Variants in TUT4 observed in about 807,000 individuals in gnomAD.
The protein encoded by TUT4 is terminal uridylyltransferase 4.
A neutral mutation model predicts 192.2 loss-of-function variants in TUT4; 36 were observed. The ratio of observed to expected loss-of-function variants is 0.19; its 90% CI spans 0.14 to 0.25. The LOEUF (loss-of-function observed/expected upper bound fraction) is 0.25. Among genes scored for constraint, TUT4 ranks in the 10% least tolerant of loss-of-function variants. TUT4 has a pLI of 1.00. For missense variants in TUT4, 1,493 were observed against 1,957.2 expected (o/e 0.76, Z 4.47); for synonymous variants, 618 against 666.0 (o/e 0.93, Z 1.11).
chr1:52,530,267 A>G lies in TUT4; in HGVS notation c.-93-3894T>C, dbSNP rs938082846. Among the ~76,000 whole-genome samples, 20 of 152,060 alleles carry G rather than the reference A, an allele frequency of 1.3e-4. No homozygotes were observed. In the East Asian group the frequency reaches 1.5e-3, roughly 12 times the overall value. ...GAGTGAGACTCCATCTCAAAAAAAA[A>G]AAAAAAAAAAAATTGCTAATAGGAA... On this transcript the variant is annotated intron_variant, in intron 1 of 29. Coordinates refer to ENST00000257177, the MANE Select transcript of TUT4 (RefSeq NM_001009881.3).
chr1:52,474,581 G>C (rs531301557), intron 13 of TUT4, among the ~76,000 whole-genome samples: 2 of 152,216 alleles, frequency 1.3e-5, no homozygotes, highest in Admixed American at 6.5e-5. Context: ...TGAAATATCA[G>C]ATGAATCCTT....
chr1:52,474,380 T>C (rs1666570736), intron 13 of TUT4, among the ~76,000 whole-genome samples: 1 of 152,196 alleles, frequency 6.6e-6, no homozygotes, highest in South Asian at 2.1e-4. Flanking sequence ...CAACTACCTT[T>C]AGTATGCTTA....
intron 13 of TUT4, among the ~76,000 whole-genome samples, chr1:52,474,128 A>G (rs1185633464): frequency 2.0e-5 from 3 of 152,222 alleles, no homozygotes; most frequent in Admixed American, 1.3e-4. Flanking sequence ...GAATGGCTTG[A>G]GCCCGGGAGG....
intron 4 of TUT4, among the ~76,000 whole-genome samples, chr1:52,505,710 C>A (rs1426028471): frequency 6.6e-6 from 1 of 151,950 alleles, no homozygotes; most frequent in Non-Finnish European, 1.5e-5. Flanking sequence ...GCATGATCCA[C>A]CGCACCTGGC....
intron 9 of TUT4, among the ~76,000 whole-genome samples, chr1:52,482,737 A>T (rs2148982912): frequency 6.6e-6 from 1 of 152,292 alleles, no homozygotes; most frequent in East Asian, 1.9e-4. Flanking sequence ...TGCCCAGCCA[A>T]CACATTCTTT....
At chr1:52,459,000 ATGG>A (rs763535167) in intron 19 of TUT4, among the ~76,000 whole-genome samples, 11 of 152,192 alleles carry the variant, frequency 7.2e-5, no homozygotes, top group Admixed American at 1.3e-4. Flanking sequence ...ACATAATGGA[ATGG>A]TATGCAACCA....
intron 18 of TUT4, 99 bp from the exon 19 acceptor site, chr1:52,461,322 A>C (rs1481747608): frequency 2.5e-6 from 3 of 1,196,518 alleles, no homozygotes; most frequent in Non-Finnish European, 3.5e-6. Context: ...CAAAATATAT[A>C]AATGTAAAAT....
intron 3 of TUT4, 67 bp from the exon 4 acceptor site, chr1:52,509,779 A>T: frequency 1.1e-6 from 1 of 893,734 alleles, no homozygotes; most frequent in Non-Finnish European, 1.9e-6. Flanking sequence ...TGACTATATA[A>T]GTGAATAATA....
chr1:52,463,604 C>G (rs1287795428), intron 16 of TUT4: 1 of 1,286,488 alleles, frequency 7.8e-7, no homozygotes, highest in Non-Finnish European at 1.0e-6. Flanking sequence ...ATCTTGCAAA[C>G]AGTCCCGCAT....
rs1350341698 is a variant in TUT4, at chr1:52,475,406, G to C, written c.2153C>G (p.Ser718Cys). The C allele has an allele frequency of 5.3e-5, 85 of 1,613,824 alleles. No homozygotes were observed. Among genetic ancestry groups the C allele is most frequent in the Non-Finnish European group, 6.8e-5 (80 of 1,180,016 alleles). The change falls in exon 13 of 30, where the codon TCT (serine) becomes TGT (cysteine). Residue 718 changes from serine (S) to cysteine (C), a missense_variant. Physicochemically the swap from Ser to Cys is moderately radical, Grantham distance 112. Around this residue, in one of 7 missense-constraint regions of TUT4, gnomAD observed 245 missense variants for 218.4 expected, o/e 1.12. Coordinates refer to ENST00000257177, the MANE Select transcript of TUT4 (RefSeq NM_001009881.3). ...CTCTCTTTTCTTGAAATCCACTGTA[G>C]ACTTATTTCCACCCTTCGTCTGAGG... ...ACPQTKGGNK[S>C]TVDFKKREKG...
chr1:52,526,948 C>T (rs879336070), intron 1 of TUT4, among the ~76,000 whole-genome samples: 4 of 152,092 alleles, frequency 2.6e-5, no homozygotes, highest in Admixed American at 2.6e-4. Context: ...CACTTGAACC[C>T]GGGAGGCAGA....
chr1:52,434,014 T>C (rs1652957044), intron 27 of TUT4: 1 of 152,208 alleles, frequency 6.6e-6, no homozygotes, highest in Non-Finnish European at 1.5e-5. Context: ...TACATAGAGA[T>C]TTATTTTCTA....
intron 1 of TUT4, among the ~76,000 whole-genome samples, chr1:52,541,075 G>A (rs1200005773): frequency 6.6e-6 from 1 of 151,986 alleles, no homozygotes; most frequent in Non-Finnish European, 1.5e-5. Flanking sequence ...GCATGGTGGT[G>A]TACACCTGTA....
At position 52,445,946 on chromosome 1, in the gene TUT4, T is replaced by C. The variant is rs1401200760; in HGVS notation, c.3739+11A>G. Reference sequence around the variant, plus strand: ...TTTTAAAATCAGAGAATCTCTATATTTAAAACTTACTTTTTCTGGAAACTC... The same window carrying C: ...TTTTAAAATCAGAGAATCTCTATATCTAAAACTTACTTTTTCTGGAAACTC... On this transcript the variant is annotated intron_variant, in intron 23 of 29. Coordinates refer to ENST00000257177, the MANE Select transcript of TUT4 (RefSeq NM_001009881.3). 1 of 1,606,792 alleles carries C rather than the reference T, an allele frequency of 6.2e-7. No individual in the cohort carries two copies. Among genetic ancestry groups the C allele is most frequent in the African/African-American group, 1.3e-5 (1 of 74,524 alleles).
At chr1:52,461,850 G>A in intron 16 of TUT4, 81 bp from the exon 17 acceptor site, 1 of 819,394 alleles carries the variant, frequency 1.2e-6, no homozygotes, top group South Asian at 1.9e-5. Flanking sequence ...TTTAATAGTA[G>A]CATTTACAAT....
At position 52,490,739 on chromosome 1, in the gene TUT4, G is replaced by C. The variant is rs1670951795; in HGVS notation, c.1381C>G (p.Arg461Gly). 6.3e-7 allele frequency: 1 copy of C among 1,598,444 alleles called. No homozygotes were observed. The highest frequency in any genetic ancestry group is 1.4e-5 in the African/African-American group (1 of 73,910). ...AKVPVVVCRD[R>G]KSGLLCRVSA... ...ATCTTCATTGTTACCAACCTTTTTC[G>C]ATCTCTGCACACCACAACAGGAACT... Residue 461 changes from arginine (R) to glycine (G), a missense_variant, in exon 8 of 30, where the codon CGA becomes GGA. Around this residue, in one of 7 missense-constraint regions of TUT4, gnomAD observed 437 missense variants for 577.6 expected, o/e 0.76. Transcript: ENST00000257177.
At chr1:52,547,139 A>G (rs1184020146) in intron 1 of TUT4, among the ~76,000 whole-genome samples, 1 of 149,848 alleles carries the variant, frequency 6.7e-6, no homozygotes, top group East Asian at 1.9e-4. Context: ...AGCCTTGGTG[A>G]TAGAGCAAGA....
rs1469632249 is a variant in TUT4 at position 52,525,628 on chromosome 1, C to G, written c.653G>C (p.Cys218Ser). 6.2e-7 allele frequency: 1 copy of G among 1,614,194 alleles called. No individual in the cohort carries two copies. The highest frequency in any genetic ancestry group is 2.2e-5 in the East Asian group (1 of 44,882). Reference sequence around the variant, plus strand: ...ATCAGAATCACCAGTATTATCTGTACATGTCTGTTGCTTCTGAGATCGTGG... The same window carrying G: ...ATCAGAATCACCAGTATTATCTGTAGATGTCTGTTGCTTCTGAGATCGTGG... ...NSPRSQKQQT[C>S]TDNTGDSDDS... The change falls in exon 2 of 30, where the codon TGT becomes TCT. Residue 218 changes from cysteine to serine, a missense_variant. Coordinates refer to ENST00000257177, the MANE Select transcript of TUT4 (RefSeq NM_001009881.3).
At chr1:52,531,137 G>T (rs768555698) in intron 1 of TUT4, among the ~76,000 whole-genome samples, 1 of 151,856 alleles carries the variant, frequency 6.6e-6, no homozygotes. Context: ...CTAGTTCTTG[G>T]TTACATTTTT....
Sources: allele counts gnomAD v4.1 joint callset (sites outside exome capture counted in the v4.1 genomes callset), GRCh38; gene constraint gnomAD v4.1.1; regional missense constraint gnomAD v4.1.1; transcripts MANE v1.5; gene names NCBI Gene and HGNC (gene_info 2026-07-23, HGNC 2026-07-21).